Variants in WDR62 observed in about 807,000 individuals in gnomAD.
WDR62 encodes the protein WD repeat-containing protein 62.
In WDR62, 112 loss-of-function variants were observed where a neutral mutation model predicts 160.6. That is an observed-to-expected ratio of 0.70 (90% confidence interval 0.60 to 0.82). The LOEUF (loss-of-function observed/expected upper bound fraction) is 0.82. WDR62 is among the 40% of genes least tolerant of loss of function. The probability of loss-of-function intolerance (pLI) is 0.00; values close to 1 mark genes in which losing one functional copy is unlikely to be tolerated. For missense variants in WDR62, 1,819 were observed against 1,983.8 expected (o/e 0.92, Z 1.58); for synonymous variants, 792 against 815.1 (o/e 0.97, Z 0.48).
At chr19:36,067,512 T>C in intron 6 of WDR62, 69 bp downstream of exon 6, 2 of 1,605,230 alleles carry the variant, frequency 1.2e-6, no homozygotes, top group Non-Finnish European at 8.5e-7. Flanking sequence ...CATGGTCTCC[T>C]GTTTCTCCCT....
At chr19:36,088,915 C>T in intron 13 of WDR62, 123 bp from the exon 14 acceptor site, 2 of 1,111,042 alleles carry the variant, frequency 1.8e-6, no homozygotes, top group Admixed American at 1.9e-5. Context: ...CCCACCTCAC[C>T]ACCTTTAGGA....
intron 2 of WDR62, among the ~76,000 whole-genome samples, chr19:36,059,526 A>G (rs923710368): frequency 3.3e-5 from 5 of 151,830 alleles, no homozygotes; most frequent in African/African-American, 1.2e-4. Context: ...TACAGCCCCA[A>G]CCTCCTGTGC....
downstream of WDR62, among the ~76,000 whole-genome samples, chr19:36,108,075 G>C (rs1973744988): frequency 6.6e-6 from 1 of 152,178 alleles, no homozygotes; most frequent in Middle Eastern, 3.4e-3. Flanking sequence ...CAAAGAGAAG[G>C]AACAAGAACC....
chr19:36,068,875 C>T (rs1310551787), intron 7 of WDR62, among the ~76,000 whole-genome samples: 8 of 151,106 alleles, frequency 5.3e-5, no homozygotes, highest in Non-Finnish European at 1.0e-4. Context: ...GTTGGGTACA[C>T]CTCCCAGACG....
At chr19:36,094,282 G>C in intron 20 of WDR62, 118 bp downstream of exon 20, 2 of 1,325,102 alleles carry the variant, frequency 1.5e-6, no homozygotes, top group Admixed American at 3.7e-5. Context: ...GACAGGGTGC[G>C]GTGGCTGATA....
chr19:36,104,209 A>G (rs995610434), intron 30 of WDR62, among the ~76,000 whole-genome samples: 13 of 152,246 alleles, frequency 8.5e-5, no homozygotes, highest in African/African-American at 3.1e-4. Context: ...AATGGGGACA[A>G]TGCCCAGACT....
intron 4 of WDR62, 94 bp from the exon 5 acceptor site, chr19:36,066,163 G>A: frequency 6.3e-7 from 1 of 1,598,440 alleles, no homozygotes; most frequent in East Asian, 2.2e-5. Context: ...TGGCTTTTGG[G>A]CACATCCTGT....
intron 9 of WDR62, chr19:36,074,258 A>G (rs1971458743): frequency 6.3e-6 from 1 of 159,792 alleles, no homozygotes; most frequent in Non-Finnish European, 1.4e-5. Context: ...TGATTGTGCC[A>G]CCACACTCCC....
intron 16 of WDR62, 89 bp from the exon 17 acceptor site, chr19:36,091,100 CCATGTGCTGTG>C: frequency 2.0e-6 from 2 of 1,015,340 alleles, no homozygotes; most frequent in Non-Finnish European, 3.0e-6. Flanking sequence ...TGCCAGAGTC[CCATGTGCTGTG>C]CATGCAGCAC....
At chr19:36,095,866 A>G (rs958396332) in intron 20 of WDR62, among the ~76,000 whole-genome samples, 2 of 152,240 alleles carry the variant, frequency 1.3e-5, no homozygotes, top group Admixed American at 6.5e-5. Context: ...TTCCTCTGCA[A>G]AGTCTCTCAT....
chr19:36,076,543 G>C (rs1307582656), intron 9 of WDR62, among the ~76,000 whole-genome samples: 1 of 151,022 alleles, frequency 6.6e-6, no homozygotes, highest in African/African-American at 2.4e-5. Flanking sequence ...GGGTGACAGA[G>C]GGAGATCCTA....
At position 36,058,947 on chromosome 19, in the gene WDR62, C is replaced by G. The variant is rs563818254; in HGVS notation, c.269+76C>G. 6 of 1,202,726 alleles carry G rather than the reference C, an allele frequency of 5.0e-6. No homozygotes were observed. In the East Asian group the frequency reaches 1.3e-4, roughly 25 times the overall value. 74.5% of individuals were successfully genotyped at this position (1,202,726 alleles called of 1,614,324 possible). ...TTGGAACCTGAAGCCATCCGTAAAT[C>G]GCTCTGAGCCTCATATTTTTCACCT... is the stretch of plus-strand genomic sequence containing the variant. On this transcript the variant is annotated intron_variant, in intron 2 of 31. Transcript: ENST00000401500.
chr19:36,092,882 A>G, intron 19 of WDR62, 71 bp downstream of exon 19: 1 of 1,610,050 alleles, frequency 6.2e-7, no homozygotes, highest in Non-Finnish European at 8.5e-7. Context: ...GATGCTGGGG[A>G]CACAGTGGTG....
the WDR62 span, among the ~76,000 whole-genome samples, chr19:36,110,129 TG>T: frequency 6.6e-6 from 1 of 152,020 alleles, no homozygotes; most frequent in Admixed American, 6.6e-5. Context: ...TAAAACAGCT[TG>T]GCCAGTGTGC....
chr19:36,095,415 C>T (rs1972897257), intron 20 of WDR62, among the ~76,000 whole-genome samples: 1 of 152,308 alleles, frequency 6.6e-6, no homozygotes, highest in Admixed American at 6.5e-5. Context: ...GTTGTTGTAG[C>T]TGTCCACATC....
chr19:36,071,443 C>T, intron 7 of WDR62, 113 bp from the exon 8 acceptor site: 1 of 1,250,118 alleles, frequency 8.0e-7, no homozygotes, highest in Non-Finnish European at 1.2e-6. Context: ...TGTCTTAGAC[C>T]CAAGGAACTG....
intron 16 of WDR62, 103 bp downstream of exon 16, chr19:36,090,623 C>T (rs1374607965): frequency 2.5e-5 from 26 of 1,059,480 alleles, no homozygotes; most frequent in Admixed American, 1.6e-4. Flanking sequence ...CAGTGCACCG[C>T]GCTGCCCAGC....
chr19:36,083,477 CTATAGAGTG>C lies in WDR62; in HGVS notation c.1550+239_1550+247del, dbSNP rs1358195771. Reference sequence around the variant, plus strand: ...AGCAGCTAGGGTGTGCAGATTTTGCCTATAGAGTGTACAGGCAAGCTCACATGACTCTAG... The same window carrying C: ...AGCAGCTAGGGTGTGCAGATTTTGCCTACAGGCAAGCTCACATGACTCTAG... On this transcript the variant is annotated intron_variant, in intron 11 of 31. Transcript: ENST00000401500. Among the ~76,000 whole-genome samples the C allele has an allele frequency of 3.9e-5, 6 of 152,318 alleles. No individual in the cohort carries two copies. The East Asian group carries it at 9.6e-4, about 24-fold the overall frequency.
chr19:36,059,878 T>C (rs1180326624), intron 2 of WDR62, 90 bp from the exon 3 acceptor site: 3 of 1,409,030 alleles, frequency 2.1e-6, no homozygotes, highest in African/African-American at 1.4e-5. Flanking sequence ...AGGGAGCTTG[T>C]TTATTTGTGG....
Sources: gnomAD v4.1 joint callset for allele counts (sites outside exome capture counted in the v4.1 genomes callset) on GRCh38, gnomAD v4.1.1 for gene constraint, MANE v1.5 for transcripts, NCBI Gene and HGNC (gene_info 2026-07-23, HGNC 2026-07-21) for gene names.